AGAP1: variants seen among roughly 807,000 people sequenced by gnomAD.
The protein encoded by AGAP1 is arf-GAP with GTPase, ANK repeat and PH domain-containing protein 1.
In AGAP1, 29 loss-of-function variants were observed where a neutral mutation model predicts 105.3. The ratio of observed to expected loss-of-function variants is 0.28; its 90% confidence interval spans 0.21 to 0.38. The LOEUF (loss-of-function observed/expected upper bound fraction) is 0.38, where lower values mean the gene tolerates loss of function less well. Among genes scored for constraint, AGAP1 ranks in the 10% least tolerant of loss-of-function variants. AGAP1 has a pLI of 1.00. For synonymous variants in AGAP1, 509 were observed against 485.9 expected (o/e 1.05, Z -0.63); for missense variants, 998 against 1,165.1 (o/e 0.86, Z 2.09).
chr2:235,582,585 A>G lies in AGAP1; in HGVS notation c.163+87736A>G, dbSNP rs1366524952. Among the ~76,000 whole-genome samples the G allele has an allele frequency of 1.3e-5, 2 of 152,244 alleles. No individual in the cohort carries two copies. Among genetic ancestry groups the G allele is most frequent in the Admixed American group, 6.5e-5 (1 of 15,282 alleles). On this transcript the variant is annotated intron_variant, in intron 1 of 17. Coordinates refer to ENST00000304032, the MANE Select transcript of AGAP1 (RefSeq NM_001037131.3). The surrounding 1 kb of genome is among the most constrained non-coding windows in gnomAD (Gnocchi z 4.7). Reference sequence around the variant, plus strand: ...ATGCCACATTTTGAGCTTCTCAGATATAAAAGAAGGATTCTTTGGGGGAGG... The same window carrying G: ...ATGCCACATTTTGAGCTTCTCAGATGTAAAAGAAGGATTCTTTGGGGGAGG...
At chr2:235,738,644 AC>A (rs1326904443) in intron 3 of AGAP1, among the ~76,000 whole-genome samples, 1 of 148,922 alleles carries the variant, frequency 6.7e-6, no homozygotes, top group African/African-American at 2.5e-5. Context: ...TGCAACCTCC[AC>A]CTCCCAGGTT....
chr2:235,695,471 TGTCA>T (rs1336616097), intron 1 of AGAP1, among the ~76,000 whole-genome samples: 6 of 152,328 alleles, frequency 3.9e-5, no homozygotes, highest in South Asian at 2.1e-4. Flanking sequence ...ATGTCGTCTC[TGTCA>T]GTCAGTTACA....
Position 235,582,111 on chromosome 2 carries a change from A to T in AGAP1, c.163+87262A>T, listed in dbSNP as rs531059693. ...GCAGGCAGGAGTTGATAGTGATGCTATGGGGCTGTCTGCTCTATACGAGGA... is the reference window on the plus strand; with the variant it reads ...GCAGGCAGGAGTTGATAGTGATGCTTTGGGGCTGTCTGCTCTATACGAGGA... On this transcript the variant is annotated intron_variant, in intron 1 of 17. Coordinates refer to ENST00000304032, the MANE Select transcript of AGAP1 (RefSeq NM_001037131.3). This position sits in a 1 kb window ranked among gnomAD's most constrained non-coding sequence, Gnocchi z 4.7. Among the ~76,000 whole-genome samples the T allele has an allele frequency of 6.6e-6, 1 of 152,166 alleles. No individual in the cohort carries two copies. The highest frequency in any genetic ancestry group is 1.5e-5 in the Non-Finnish European group (1 of 68,024).
In AGAP1 at chr2:235,744,906, G is replaced by A; in HGVS notation, c.538+67G>A. ...ACAGTTACATATTTTCAGTATGGAG[G>A]AGTTTAAAAAATGCTTTAAAGAAGG... On this transcript the variant is annotated intron_variant, in intron 5 of 17. Transcript: ENST00000304032. This position sits in a 1 kb window ranked among gnomAD's most constrained non-coding sequence, Gnocchi z 5.2. 1 of 1,555,256 alleles carries A rather than the reference G, an allele frequency of 6.4e-7. No homozygotes were observed.
rs1946082618 is a variant in AGAP1 at position 235,610,283 on chromosome 2, C to G, written c.164-98896C>G. Among the ~76,000 whole-genome samples, 1 of 152,108 alleles carries G rather than the reference C, an allele frequency of 6.6e-6. No homozygotes were observed. Among genetic ancestry groups the G allele is most frequent in the Admixed American group, 6.6e-5 (1 of 15,266 alleles). ...AGGATCTGCTGTATCCTTATGATAC[C>G]TCGTCATCTTGGAGTCCACCGTGCA... On this transcript the variant is annotated intron_variant, in intron 1 of 17. Transcript: ENST00000304032. This position sits in a 1 kb window ranked among gnomAD's most constrained non-coding sequence, Gnocchi z 4.9.
rs2056851650 is a variant in AGAP1 at position 236,020,587 on chromosome 2, G to C, written c.1646-15974G>C. ...TTTCCTGGGTCTGTCCTTCCTCTCT[G>C]TTCTTTTCTTCCTCGCATGCAGACA... is the stretch of plus-strand genomic sequence containing the variant. On this transcript the variant is annotated intron_variant, in intron 13 of 17. Coordinates refer to ENST00000304032, the MANE Select transcript of AGAP1 (RefSeq NM_001037131.3). The surrounding 1 kb of genome is among the most constrained non-coding windows in gnomAD (Gnocchi z 5.0). Among the ~76,000 whole-genome samples the C allele has an allele frequency of 6.6e-6, 1 of 152,146 alleles. No individual in the cohort carries two copies. Among genetic ancestry groups the C allele is most frequent in the African/African-American group, 2.4e-5 (1 of 41,436 alleles).
chr2:235,649,445 C>T (rs1947507187), intron 1 of AGAP1, among the ~76,000 whole-genome samples: 1 of 152,210 alleles, frequency 6.6e-6, no homozygotes, highest in Admixed American at 6.5e-5. Flanking sequence ...ATGACTGTAG[C>T]TCACTGCAAC....
intron 1 of AGAP1, among the ~76,000 whole-genome samples, chr2:235,499,119 C>G (rs750103294): frequency 6.6e-6 from 1 of 152,166 alleles, no homozygotes; most frequent in Non-Finnish European, 1.5e-5. Context: ...GACACTTGTG[C>G]GAGAGCGGTG....
intron 1 of AGAP1, among the ~76,000 whole-genome samples, chr2:235,618,185 A>G (rs1946368422): frequency 6.6e-6 from 1 of 152,140 alleles, no homozygotes; most frequent in Non-Finnish European, 1.5e-5. Context: ...CATGATATCC[A>G]TGAGTTACTG....
intron 9 of AGAP1, among the ~76,000 whole-genome samples, chr2:235,820,338 G>A (rs1348781902): frequency 6.6e-6 from 1 of 152,180 alleles, no homozygotes; most frequent in African/African-American, 2.4e-5. Flanking sequence ...ATCTAAGATA[G>A]TATGTTTAGG....
Position 235,945,250 on chromosome 2 carries a change from G to A in AGAP1, c.1483+14327G>A, listed in dbSNP as rs961572559. 2.2e-4 allele frequency among the ~76,000 whole-genome samples: 34 copies of A among 152,214 alleles called. No homozygotes were observed. The South Asian group carries it at 2.3e-3, about 10-fold the overall frequency. ...TGAGTATCTGGGGCTACAGGTGCCCGCCACCGCGCCCGGCTAATTTTTTGT... is the reference window on the plus strand; with the variant it reads ...TGAGTATCTGGGGCTACAGGTGCCCACCACCGCGCCCGGCTAATTTTTTGT... On this transcript the variant is annotated intron_variant, in intron 12 of 17. Coordinates refer to ENST00000304032, the MANE Select transcript of AGAP1 (RefSeq NM_001037131.3).
rs2060060550 is a variant in AGAP1, at chr2:236,129,920, C to T, written c.*5798C>T. On this transcript the variant is annotated 3_prime_UTR_variant, in exon 18 of 18. Transcript: ENST00000304032. This position sits in a 1 kb window ranked among gnomAD's most constrained non-coding sequence, Gnocchi z 6.2. The stretch of plus-strand genomic sequence containing the variant: ...CTGAAAACCCATTCTTACTGTCTTT[C>T]ACCATGAGATGCTGGTTTTGGTGTA... 6.6e-6 allele frequency: 1 copy of T among 152,222 alleles called. No homozygotes were observed. Among genetic ancestry groups the T allele is most frequent in the Non-Finnish European group, 1.5e-5 (1 of 68,060 alleles). 9.4% of individuals were successfully genotyped at this position (152,222 alleles called of 1,614,324 possible).
At chr2:235,844,784 A>G (rs1375700857) in intron 9 of AGAP1, among the ~76,000 whole-genome samples, 1 of 152,094 alleles carries the variant, frequency 6.6e-6, no homozygotes, top group Non-Finnish European at 1.5e-5. Context: ...CTGGTCCAAG[A>G]CATAGCGTTG....
Position 236,045,835 on chromosome 2 carries a change from G to T in AGAP1, c.1892-3224G>T, listed in dbSNP as rs530775208. On this transcript the variant is annotated intron_variant, in intron 15 of 17. Coordinates refer to ENST00000304032, the MANE Select transcript of AGAP1 (RefSeq NM_001037131.3). This position sits in a 1 kb window ranked among gnomAD's most constrained non-coding sequence, Gnocchi z 6.9. ...CATTCTCTGCTGGAGCGGAGGCAAG[G>T]TTCTCCCCTCAGTCAGCCCCAGCCT... is the stretch of plus-strand genomic sequence containing the variant. The T allele has an allele frequency of 3.5e-4, 146 of 412,404 alleles. No homozygotes were observed. Among genetic ancestry groups the T allele is most frequent in the African/African-American group, 2.7e-3 (133 of 49,140 alleles). 25.5% of individuals were successfully genotyped at this position (412,404 alleles called of 1,614,324 possible). A position where few individuals can be genotyped will look rare whatever the true frequency, so the allele number is the denominator to read the frequency against.
Position 235,541,144 on chromosome 2 carries a change from G to A in AGAP1, c.163+46295G>A, listed in dbSNP as rs562930927. Among the ~76,000 whole-genome samples the A allele has an allele frequency of 9.9e-5, 15 of 152,116 alleles. No individual in the cohort carries two copies. The South Asian group carries it at 3.1e-3, about 32-fold the overall frequency. ...GTAGCTCTATTTAATAATCACCATT[G>A]GGCACGTGGACTTTCATCAGTACAC... On this transcript the variant is annotated intron_variant, in intron 1 of 17. Coordinates refer to ENST00000304032, the MANE Select transcript of AGAP1 (RefSeq NM_001037131.3).
intron 13 of AGAP1, among the ~76,000 whole-genome samples, chr2:236,010,473 G>A (rs927326083): frequency 1.3e-5 from 2 of 152,216 alleles, no homozygotes; most frequent in African/African-American, 4.8e-5. Flanking sequence ...GTGAATTAAA[G>A]TTTCTATCAC....
Position 235,883,160 on chromosome 2 carries a change from G to A in AGAP1, c.1051-185G>A, listed in dbSNP as rs1376560636. Among the ~76,000 whole-genome samples, 1 of 151,986 alleles carries A rather than the reference G, an allele frequency of 6.6e-6. No individual in the cohort carries two copies. Among genetic ancestry groups the A allele is most frequent in the Non-Finnish European group, 1.5e-5 (1 of 68,034 alleles). On this transcript the variant is annotated intron_variant, in intron 9 of 17. Coordinates refer to ENST00000304032, the MANE Select transcript of AGAP1 (RefSeq NM_001037131.3). This position sits in a 1 kb window ranked among gnomAD's most constrained non-coding sequence, Gnocchi z 4.5. ...CAGTTAATTATCCAAAAGATCTAGT[G>A]TAGCACGTCTCAATGTGTTTGTGTC...
At chr2:236,013,300 A>G (rs573429130) in intron 13 of AGAP1, among the ~76,000 whole-genome samples, 75 of 152,328 alleles carry the variant, frequency 4.9e-4, no homozygotes, top group Non-Finnish European at 8.5e-4. Flanking sequence ...CATTTCTGCA[A>G]CATAACTCAT....
Position 235,930,995 on chromosome 2 carries a change from G to A in AGAP1, c.1483+72G>A, listed in dbSNP as rs947095881. On this transcript the variant is annotated intron_variant, in intron 12 of 17. Transcript: ENST00000304032. The surrounding 1 kb of genome is among the most constrained non-coding windows in gnomAD (Gnocchi z 7.9). ...TTCGTTGTAAGCCAGGGGCTGGACA[G>A]GACGCCCTAAGCTCTCATGCTCCTC... 2 of 1,540,102 alleles carry A rather than the reference G, an allele frequency of 1.3e-6. No individual in the cohort carries two copies. The highest frequency in any genetic ancestry group is 1.2e-5 in the South Asian group (1 of 80,638).
Sources: gnomAD v4.1 joint callset for allele counts (sites outside exome capture counted in the v4.1 genomes callset) on GRCh38, gnomAD v4.1.1 for gene constraint, Gnocchi (gnomAD v3.1) non-coding constraint, MANE v1.5 for transcripts, NCBI Gene and HGNC (gene_info 2026-07-23, HGNC 2026-07-21) for gene names.